The following GLRB variants were observed in gnomAD, a reference collection of about 807,000 sequenced individuals.
The protein encoded by GLRB is glycine receptor beta.
Under a neutral mutation model 54.2 loss-of-function variants are expected in GLRB, and 33 were observed. That is an observed-to-expected ratio of 0.61 (90% CI 0.46 to 0.81). The LOEUF (loss-of-function observed/expected upper bound fraction) is 0.81, where lower values mean the gene tolerates loss of function less well. Among genes scored for constraint, GLRB ranks in the 40% least tolerant of loss-of-function variants. The pLI is 0.00. For synonymous variants in GLRB, 209 were observed against 208.2 expected (o/e 1.00, Z -0.03); for missense variants, 572 against 584.6 (o/e 0.98, Z 0.22).
At chr4:157,146,429 G>A (rs576455008) in intron 8 of GLRB, among the ~76,000 whole-genome samples, 11 of 152,244 alleles carry the variant, frequency 7.2e-5, no homozygotes, top group South Asian at 4.1e-4. Flanking sequence ...GAATGACCTC[G>A]GGCAAGAGCA....
At chr4:157,146,633 A>G (rs1235847734) in intron 8 of GLRB, among the ~76,000 whole-genome samples, 1 of 151,872 alleles carries the variant, frequency 6.6e-6, no homozygotes, top group Non-Finnish European at 1.5e-5. Context: ...AGCCTTGCCA[A>G]CATGGTAAAA....
At chr4:157,149,525 A>C (rs975453892) in intron 8 of GLRB, among the ~76,000 whole-genome samples, 2 of 152,130 alleles carry the variant, frequency 1.3e-5, no homozygotes, top group Non-Finnish European at 2.9e-5. Flanking sequence ...TTCAATTATA[A>C]ATGCAAAAAG....
At chr4:157,143,669 G>GA in intron 7 of GLRB, 138 bp from the exon 8 acceptor site, 1 of 844,766 alleles carries the variant, frequency 1.2e-6, no homozygotes, top group Non-Finnish European at 1.9e-6. Flanking sequence ...TATCTGCAAA[G>GA]AAAAACTTTT....
intron 2 of GLRB, among the ~76,000 whole-genome samples, chr4:157,097,483 G>A (rs1579194815): frequency 1.3e-5 from 2 of 152,166 alleles, no homozygotes; most frequent in East Asian, 1.9e-4. Flanking sequence ...AGAGATACAA[G>A]TATAGAACAA....
At chr4:157,123,129 G>C (rs1283494255) in intron 4 of GLRB, among the ~76,000 whole-genome samples, 1 of 151,712 alleles carries the variant, frequency 6.6e-6, no homozygotes. Context: ...TAAGGTTTTA[G>C]AATATTAAAT....
intron 2 of GLRB, among the ~76,000 whole-genome samples, chr4:157,079,642 C>G (rs1373084899): frequency 6.6e-6 from 1 of 152,062 alleles, no homozygotes; most frequent in Non-Finnish European, 1.5e-5. Context: ...GGCCATCTGC[C>G]CAGCTGGATA....
At chr4:157,130,243 G>A (rs912741780) in intron 4 of GLRB, among the ~76,000 whole-genome samples, 14 of 151,576 alleles carry the variant, frequency 9.2e-5, no homozygotes, top group Non-Finnish European at 1.6e-4. Context: ...GTAATCTTCA[G>A]TGGCTTCCTC....
rs765701013 is a variant in GLRB at position 157,170,654 on chromosome 4, G to T, written c.1420G>T (p.Asp474Tyr). 6.2e-7 allele frequency: 1 copy of T among 1,610,362 alleles called. No homozygotes were observed. Among genetic ancestry groups the T allele is most frequent in the South Asian group, 1.1e-5 (1 of 90,866 alleles). The change falls in exon 10 of 10, where the codon GAT (aspartate) becomes TAT (tyrosine). Residue 474 changes from aspartate to tyrosine, a missense_variant. Asp to Tyr is a radical substitution (Grantham distance 160, BLOSUM62 -3). Coordinates refer to ENST00000264428, the MANE Select transcript of GLRB (RefSeq NM_000824.5). Reference sequence around the variant, plus strand: ...TATTCCAACAGCAGCAAAGCGAATTGATCTTTATGCAAGAGCATTGTTTCC... The same window carrying T: ...TATTCCAACAGCAGCAAAGCGAATTTATCTTTATGCAAGAGCATTGTTTCC... ...PVIPTAAKRI[D>Y]LYARALFPFC... is the part of the protein sequence containing the mutation.
At chr4:157,161,374 T>A (rs572873089) in intron 9 of GLRB, among the ~76,000 whole-genome samples, 71 of 152,356 alleles carry the variant, frequency 4.7e-4, no homozygotes, top group Non-Finnish European at 7.5e-4. Context: ...CCTGTCATTA[T>A]GAAGTTAGCT....
At chr4:157,146,992 G>A (rs889268908) in intron 8 of GLRB, among the ~76,000 whole-genome samples, 1 of 152,174 alleles carries the variant, frequency 6.6e-6, no homozygotes, top group African/African-American at 2.4e-5. Flanking sequence ...GCCGAGATGG[G>A]CAAAGGTGCA....
chr4:157,139,808 A>G (rs1736544304), intron 7 of GLRB, among the ~76,000 whole-genome samples: 1 of 152,014 alleles, frequency 6.6e-6, no homozygotes, highest in African/African-American at 2.4e-5. Context: ...TTAAAGCTTT[A>G]TTGCAAAATG....
intron 2 of GLRB, among the ~76,000 whole-genome samples, chr4:157,088,158 A>G (rs1019862719): frequency 1.3e-5 from 2 of 152,168 alleles, no homozygotes; most frequent in African/African-American, 2.4e-5. Flanking sequence ...CGTATAAGAA[A>G]ACAATAGTAG....
intron 9 of GLRB, among the ~76,000 whole-genome samples, chr4:157,169,885 G>A (rs1441530591): frequency 3.9e-5 from 6 of 152,174 alleles, no homozygotes; most frequent in African/African-American, 9.6e-5. Flanking sequence ...ACTAGTAAAC[G>A]TTTGATTCAT....
At chr4:157,149,497 T>A (rs1019902766) in intron 8 of GLRB, among the ~76,000 whole-genome samples, 9 of 152,100 alleles carry the variant, frequency 5.9e-5, no homozygotes, top group Admixed American at 3.9e-4. Flanking sequence ...AAGGGAATAC[T>A]TTTTTTAACA....
chr4:157,086,496 G>T (rs1289544195), intron 2 of GLRB, among the ~76,000 whole-genome samples: 1 of 152,156 alleles, frequency 6.6e-6, no homozygotes, highest in African/African-American at 2.4e-5. Context: ...TTACATGTGA[G>T]TTTGTTTGGA....
chr4:157,098,115 G>T (rs1168841019), intron 2 of GLRB, among the ~76,000 whole-genome samples: 1 of 151,920 alleles, frequency 6.6e-6, no homozygotes, highest in Non-Finnish European at 1.5e-5. Flanking sequence ...GCCTTAGATT[G>T]GTCTTGCCTC....
intron 2 of GLRB, among the ~76,000 whole-genome samples, chr4:157,087,781 T>C (rs1734464327): frequency 6.8e-6 from 1 of 147,962 alleles, no homozygotes; most frequent in Non-Finnish European, 1.5e-5. Flanking sequence ...CTTACTGAAA[T>C]GTATCCTTTT....
intron 2 of GLRB, among the ~76,000 whole-genome samples, chr4:157,114,060 T>G (rs1460026203): frequency 1.3e-5 from 2 of 152,002 alleles, no homozygotes; most frequent in Non-Finnish European, 2.9e-5. Context: ...ATTAGCTGAA[T>G]ACATGAAGTA....
chr4:157,157,590 G>T (rs2126612575), intron 9 of GLRB, among the ~76,000 whole-genome samples: 1 of 152,216 alleles, frequency 6.6e-6, no homozygotes, highest in Admixed American at 6.5e-5. Context: ...AACATGCTGT[G>T]TTTGGTGTTC....
Sources: gnomAD v4.1 joint callset for allele counts (sites outside exome capture counted in the v4.1 genomes callset) on GRCh38, gnomAD v4.1.1 for gene constraint, MANE v1.5 for transcripts, NCBI Gene and HGNC (gene_info 2026-07-23, HGNC 2026-07-21) for gene names.